The following WDR64 variants were observed in gnomAD, a reference collection of about 807,000 sequenced individuals.
The protein encoded by WDR64 is WD repeat domain 64, also known as WD repeat-containing protein 64.
WDR64 carries 112 observed loss-of-function variants against 139.3 expected under a neutral mutation model. That is an observed-to-expected ratio of 0.80 (90% CI 0.69 to 0.94). The LOEUF is 0.94. Ranked by LOEUF, WDR64 falls within the 40% of genes least tolerant of loss-of-function variation. WDR64 has a pLI of 0.00. For missense variants in WDR64, 1,206 were observed against 1,293.1 expected (o/e 0.93, Z 1.03); for synonymous variants, 444 against 437.7 (o/e 1.01, Z -0.18).
chr1:241,795,187 T>C lies in WDR64; in HGVS notation c.2998-20T>C, dbSNP rs1659327806. On this transcript the variant is annotated intron_variant, in intron 25 of 27. Transcript: ENST00000437684. The stretch of plus-strand genomic sequence containing the variant: ...TAGGATGTGCCCCTTTCATTAAACA[T>C]TCATCCCTTTGTTTTGCAGATTCGA... 1 of 1,610,792 alleles carries C rather than the reference T, an allele frequency of 6.2e-7. No homozygotes were observed. The highest frequency in any genetic ancestry group is 1.7e-5 in the Admixed American group (1 of 59,862).
intron 6 of WDR64, among the ~76,000 whole-genome samples, chr1:241,680,515 A>C (rs971734249): frequency 4.6e-5 from 7 of 151,818 alleles, no homozygotes; most frequent in African/African-American, 1.7e-4. Flanking sequence ...TTCTGTTTTC[A>C]CTCTTGCTTT....
intron 9 of WDR64, among the ~76,000 whole-genome samples, chr1:241,718,432 T>C (rs1428516027): frequency 6.6e-6 from 1 of 152,082 alleles, no homozygotes; most frequent in East Asian, 1.9e-4. Flanking sequence ...GCAGGAACAA[T>C]ATCTAGAATT....
At chr1:241,681,963 T>C (rs1224537439) in intron 6 of WDR64, among the ~76,000 whole-genome samples, 2 of 152,188 alleles carry the variant, frequency 1.3e-5, no homozygotes, top group African/African-American at 2.4e-5. Context: ...TAGCCCACTT[T>C]TTGATGAGAT....
At chr1:241,659,453 T>C (rs1299669341) in intron 1 of WDR64, among the ~76,000 whole-genome samples, 1 of 152,204 alleles carries the variant, frequency 6.6e-6, no homozygotes, top group African/African-American at 2.4e-5. Context: ...TCAAATGGTA[T>C]TTCTGCCTCT....
At chr1:241,705,849 A>G (rs912637715) in intron 8 of WDR64, among the ~76,000 whole-genome samples, 1 of 152,062 alleles carries the variant, frequency 6.6e-6, no homozygotes, top group African/African-American at 2.4e-5. Context: ...TTGGCCTCCC[A>G]AAGTGCTGAG....
chr1:241,711,654 A>G (rs1668173450), intron 8 of WDR64, 148 bp from the exon 9 acceptor site: 1 of 700,678 alleles, frequency 1.4e-6, no homozygotes, highest in Non-Finnish European at 2.4e-6. Flanking sequence ...GTTAATTACG[A>G]CTTAATCATT....
intron 10 of WDR64, among the ~76,000 whole-genome samples, chr1:241,733,491 A>AAAGAG (rs1553373196): frequency 8.0e-4 from 121 of 151,578 alleles, no homozygotes; most frequent in African/African-American, 2.7e-3. Flanking sequence ...AAAGAAAAGA[A>AAAGAG]AAGAGAAGAG....
rs533071388 is a variant in WDR64, at chr1:241,769,033, G to A, written c.2082-371G>A. On this transcript the variant is annotated intron_variant, in intron 16 of 27. Transcript: ENST00000437684. The stretch of plus-strand genomic sequence containing the variant: ...AGTAATCCCAGCACTTTGGGAGGCT[G>A]AGGCAGGAGGATCGCTTGAGCCCAG... Among the ~76,000 whole-genome samples, 19 of 152,320 alleles carry A rather than the reference G, an allele frequency of 1.2e-4. No homozygotes were observed. The South Asian group carries it at 3.7e-3, about 30-fold the overall frequency.
chr1:241,675,421 T>C (rs1039977041), intron 4 of WDR64, among the ~76,000 whole-genome samples: 6 of 152,046 alleles, frequency 3.9e-5, no homozygotes, highest in Admixed American at 2.0e-4. Context: ...AATCCAAATA[T>C]TTAGTAATGA....
chr1:241,711,871 T>A lies in WDR64; in HGVS notation c.1044T>A (p.Ile348=). ...TFCYCVKANV[I]VTGGDDKVIR... ...GCTACTGTGTTAAGGCAAATGTGAT[T>A]GTCACTGGAGGTGAGAGGGCGGTTC... Residue 348 remains isoleucine, a synonymous_variant, in exon 9 of 28, where the codon ATT becomes ATA. Coordinates refer to ENST00000437684, the MANE Select transcript of WDR64 (RefSeq NM_001367482.1). 1.9e-6 allele frequency: 3 copies of A among 1,614,214 alleles called. No homozygotes were observed. The highest frequency in any genetic ancestry group is 2.7e-5 in the African/African-American group (2 of 75,060).
At chr1:241,729,821 G>C (rs535022304) in intron 10 of WDR64, among the ~76,000 whole-genome samples, 1 of 151,912 alleles carries the variant, frequency 6.6e-6, no homozygotes, top group Non-Finnish European at 1.5e-5. Flanking sequence ...TGTTTGTATG[G>C]GATTATCATA....
Position 241,723,348 on chromosome 1 carries a change from T to A in WDR64, c.1106T>A (p.Val369Glu), listed in dbSNP as rs142030663. 1.2e-6 allele frequency: 2 copies of A among 1,613,886 alleles called. No homozygotes were observed. The highest frequency in any genetic ancestry group is 2.7e-5 in the African/African-American group (2 of 74,898). ...CACCCCAATATCAGCACCAAGCCAGTAGGGAAACTTGTAGGACACATGTTC... is the reference window on the plus strand; with the variant it reads ...CACCCCAATATCAGCACCAAGCCAGAAGGGAAACTTGTAGGACACATGTTC... ...LWHPNISTKP[V>E]GKLVGHMFSI... The change falls in exon 10 of 28, where the codon GTA becomes GAA. Residue 369 changes from valine to glutamate, a missense_variant. Transcript: ENST00000437684.
chr1:241,705,089 C>T (rs1667879829), intron 8 of WDR64, among the ~76,000 whole-genome samples: 1 of 152,168 alleles, frequency 6.6e-6, no homozygotes, highest in Admixed American at 6.5e-5. Context: ...AGATCTACTC[C>T]AGAAGAGCCT....
chr1:241,680,882 C>A (rs1192003464), intron 6 of WDR64, among the ~76,000 whole-genome samples: 2 of 152,190 alleles, frequency 1.3e-5, no homozygotes, highest in African/African-American at 4.8e-5. Context: ...AGGCTTCTCC[C>A]TCTAGTAGAT....
At position 241,725,387 on chromosome 1, in the gene WDR64, C is replaced by T. The variant is rs549171909; in HGVS notation, c.1194+1951C>T. Among the ~76,000 whole-genome samples the T allele has an allele frequency of 3.3e-5, 5 of 151,930 alleles. No homozygotes were observed. In the South Asian group the frequency reaches 1.0e-3, roughly 32 times the overall value. ...GGAAGGGAAGGGAAAGAAAAAAACCCGGTTGCTTTCCCTCCACGTCCCCCA... is the reference window on the plus strand; with the variant it reads ...GGAAGGGAAGGGAAAGAAAAAAACCTGGTTGCTTTCCCTCCACGTCCCCCA... On this transcript the variant is annotated intron_variant, in intron 10 of 27. Transcript: ENST00000437684.
rs1658407869 is a variant in WDR64 at position 241,771,027 on chromosome 1, G to T, written c.2253+337G>T. On this transcript the variant is annotated intron_variant, in intron 18 of 27. Transcript: ENST00000437684. ...GACCATCTCTTTTGCTAAAATGTAA[G>T]TACTCTTTTGCTAAAAAGTACATAT... Among the ~76,000 whole-genome samples, 3 of 152,212 alleles carry T rather than the reference G, an allele frequency of 2.0e-5. No homozygotes were observed. The South Asian group carries it at 6.2e-4, about 32-fold the overall frequency.
intron 19 of WDR64, among the ~76,000 whole-genome samples, chr1:241,772,451 C>CTGTTTTTTT (rs1658491223): frequency 1.7e-5 from 1 of 59,020 alleles, no homozygotes. Context: ...AAGATAGATC[C>CTGTTTTTTT]TTTTTTTTTT....
At position 241,759,208 on chromosome 1, in the gene WDR64, A is replaced by G. The variant is rs1315665153; in HGVS notation, c.1947+1749A>G. Among the ~76,000 whole-genome samples, 4 of 152,160 alleles carry G rather than the reference A, an allele frequency of 2.6e-5. No homozygotes were observed. In the Middle Eastern group the frequency reaches 9.5e-3, roughly 361 times the overall value. On this transcript the variant is annotated intron_variant, in intron 15 of 27. Coordinates refer to ENST00000437684, the MANE Select transcript of WDR64 (RefSeq NM_001367482.1). ...GGAACATGATACCTGACACAGCTCA[A>G]AATCTTCCTTTTTTTGCAGTTCTTT...
At chr1:241,751,510 A>G (rs971035006) in intron 14 of WDR64, among the ~76,000 whole-genome samples, 4 of 152,194 alleles carry the variant, frequency 2.6e-5, no homozygotes, top group Non-Finnish European at 5.9e-5. Flanking sequence ...CACAAAACCA[A>G]AAAGCCAAAA....
Sources: gnomAD v4.1 joint callset for allele counts (sites outside exome capture counted in the v4.1 genomes callset) on GRCh38, gnomAD v4.1.1 for gene constraint, MANE v1.5 for transcripts, NCBI Gene and HGNC (gene_info 2026-07-23, HGNC 2026-07-21) for gene names.